NCOA2: variants seen among roughly 807,000 people sequenced by gnomAD.
The protein encoded by NCOA2 is class E basic helix-loop-helix protein 75.
A neutral mutation model predicts 145.1 loss-of-function variants in NCOA2; 21 were observed. The observed-to-expected ratio is 0.14, with a 90% CI of 0.10 to 0.21. The LOEUF is 0.21. NCOA2 is among the 10% of genes least tolerant of loss of function. The pLI is 1.00. For missense variants in NCOA2, 1,472 were observed against 1,837.6 expected (o/e 0.80, Z 3.64); for synonymous variants, 619 against 637.5 (o/e 0.97, Z 0.44).
At chr8:70,121,179 C>G in intron 22 of NCOA2, 123 bp downstream of exon 22, 1 of 782,398 alleles carries the variant, frequency 1.3e-6, no homozygotes, top group Admixed American at 2.2e-5. Context: ...CAGATGAAAC[C>G]AGAAGATATT....
At chr8:70,307,294 T>G (rs573378407) in intron 1 of NCOA2, among the ~76,000 whole-genome samples, 2 of 149,320 alleles carry the variant, frequency 1.3e-5, no homozygotes, top group African/African-American at 2.5e-5. Context: ...AAAAAAAAAT[T>G]TAAGGCTGTG....
chr8:70,267,906 T>C (rs375672506), intron 2 of NCOA2, among the ~76,000 whole-genome samples: 8 of 152,228 alleles, frequency 5.3e-5, no homozygotes, highest in African/African-American at 1.7e-4. Flanking sequence ...ATAATAAATA[T>C]GATCAAGAAA....
chr8:70,250,348 G>C (rs1363353110), intron 2 of NCOA2, among the ~76,000 whole-genome samples: 1 of 128,364 alleles, frequency 7.8e-6, no homozygotes, highest in African/African-American at 2.9e-5. Flanking sequence ...AGCCATGATT[G>C]TGCCACTACA....
chr8:70,205,002 T>C (rs771716116), intron 4 of NCOA2, among the ~76,000 whole-genome samples: 5 of 152,002 alleles, frequency 3.3e-5, no homozygotes, highest in Non-Finnish European at 5.9e-5. Context: ...AGCAAGACCT[T>C]GTCTCAAAAA....
chr8:70,214,329 A>G (rs1819363061), intron 3 of NCOA2, among the ~76,000 whole-genome samples: 1 of 152,240 alleles, frequency 6.6e-6, no homozygotes, highest in Non-Finnish European at 1.5e-5. Flanking sequence ...TCCACTTCAC[A>G]GTGACCTGGA....
intron 4 of NCOA2, among the ~76,000 whole-genome samples, chr8:70,203,324 A>G (rs761578657): frequency 2.0e-5 from 3 of 151,900 alleles, no homozygotes; most frequent in Non-Finnish European, 2.9e-5. Flanking sequence ...TGTATAATCC[A>G]TATCAGTCTG....
chr8:70,403,447 TC>T (rs2131877949), intron 1 of NCOA2, among the ~76,000 whole-genome samples: 1 of 151,450 alleles, frequency 6.6e-6, no homozygotes, highest in African/African-American at 2.4e-5. Context: ...ACTCCGCGTC[TC>T]CCCGTCGCTT....
chr8:70,363,451 C>T (rs1472370547), intron 1 of NCOA2, among the ~76,000 whole-genome samples: 1 of 151,320 alleles, frequency 6.6e-6, no homozygotes, highest in Non-Finnish European at 1.5e-5. Flanking sequence ...TAGATATTTA[C>T]CTATGTGAAA....
At chr8:70,129,379 A>C (rs1322818507) in intron 16 of NCOA2, among the ~76,000 whole-genome samples, 1 of 152,058 alleles carries the variant, frequency 6.6e-6, no homozygotes, top group Non-Finnish European at 1.5e-5. Context: ...TAATTAGATA[A>C]CCTCTTTGGC....
At chr8:70,266,553 G>C (rs548441156) in intron 2 of NCOA2, among the ~76,000 whole-genome samples, 5 of 152,128 alleles carry the variant, frequency 3.3e-5, no homozygotes, top group Admixed American at 3.3e-4. Context: ...TCAAAGCCCT[G>C]CATGGGCTTT....
At chr8:70,272,801 T>C (rs951562231) in intron 2 of NCOA2, among the ~76,000 whole-genome samples, 3 of 152,208 alleles carry the variant, frequency 2.0e-5, no homozygotes, top group Non-Finnish European at 4.4e-5. Flanking sequence ...TCTTTAAAGA[T>C]GTAAAATAAT....
At chr8:70,350,993 T>C (rs1213683749) in intron 1 of NCOA2, among the ~76,000 whole-genome samples, 2 of 152,192 alleles carry the variant, frequency 1.3e-5, no homozygotes, top group Non-Finnish European at 1.5e-5. Context: ...CTCTGTGCCA[T>C]GGCAGCAGGT....
intron 1 of NCOA2, among the ~76,000 whole-genome samples, chr8:70,363,725 C>T (rs919116661): frequency 3.3e-5 from 5 of 152,014 alleles, no homozygotes; most frequent in African/African-American, 1.2e-4. Context: ...TCAGTGGTTG[C>T]CAGGAACTGA....
At chr8:70,425,126 C>T in the NCOA2 span, among the ~76,000 whole-genome samples, 1 of 152,292 alleles carries the variant, frequency 6.6e-6, no homozygotes, top group East Asian at 1.9e-4. Flanking sequence ...ACTAAATACC[C>T]TCCCAAAGCT....
chr8:70,269,732 A>G (rs1274522422), intron 2 of NCOA2, among the ~76,000 whole-genome samples: 7 of 152,218 alleles, frequency 4.6e-5, no homozygotes. Context: ...CAAAATATAC[A>G]TGTTTGCATT....
intron 1 of NCOA2, among the ~76,000 whole-genome samples, chr8:70,323,969 C>T (rs1806322289): frequency 6.6e-6 from 1 of 152,092 alleles, no homozygotes; most frequent in African/African-American, 2.4e-5. Flanking sequence ...TTTCCCAGGC[C>T]CAGCCCTTCC....
chr8:70,338,659 C>G lies in NCOA2; in HGVS notation c.-76-41859G>C, dbSNP rs545568276. On this transcript the variant is annotated intron_variant, in intron 1 of 22. Coordinates refer to ENST00000452400, the MANE Select transcript of NCOA2 (RefSeq NM_006540.4). ...AAAGAGAAAACTTCAGGCCAGTATC[C>G]TTGATGAAGAGTGATGCAAAAACCC... 3.3e-5 allele frequency among the ~76,000 whole-genome samples: 5 copies of G among 152,246 alleles called. No individual in the cohort carries two copies. In the South Asian group the frequency reaches 1.0e-3, roughly 32 times the overall value.
the NCOA2 span, among the ~76,000 whole-genome samples, chr8:70,430,931 T>C: frequency 4.6e-5 from 7 of 152,152 alleles, no homozygotes; most frequent in Non-Finnish European, 1.0e-4. Context: ...TTATTTCTAG[T>C]TAATAAATGG....
intron 4 of NCOA2, among the ~76,000 whole-genome samples, chr8:70,176,495 C>A (rs9886465): frequency 7.9e-5 from 12 of 151,922 alleles, no homozygotes; most frequent in South Asian, 2.1e-4. Flanking sequence ...ATTCCTCAGC[C>A]GGTCCCTTCT....
Sources: allele counts gnomAD v4.1 joint callset (sites outside exome capture counted in the v4.1 genomes callset), GRCh38; gene constraint gnomAD v4.1.1; transcripts MANE v1.5; gene names NCBI Gene and HGNC (gene_info 2026-07-23, HGNC 2026-07-21).